Variants in AKT3 observed in about 807,000 individuals in gnomAD.
The protein encoded by AKT3 is RAC-gamma serine/threonine-protein kinase.
A neutral mutation model predicts 65.3 loss-of-function variants in AKT3; 15 were observed. The observed-to-expected ratio is 0.23, with a 90% CI of 0.15 to 0.35. The LOEUF (loss-of-function observed/expected upper bound fraction) is 0.35. Ranked by LOEUF, AKT3 falls within the 10% of genes least tolerant of loss-of-function variation. The pLI, the probability that AKT3 is intolerant of heterozygous loss-of-function variation, is 1.00. For synonymous variants in AKT3, 206 were observed against 183.8 expected, an observed-to-expected ratio of 1.12 and a Z score of -0.98; for missense variants, 243 against 576.5, an observed-to-expected ratio of 0.42 and a Z score of 5.92.
At chr1:243,529,332 C>A (rs1322902967) in intron 12 of AKT3, among the ~76,000 whole-genome samples, 1 of 152,028 alleles carries the variant, frequency 6.6e-6, no homozygotes, top group South Asian at 2.1e-4. Flanking sequence ...GTTGCAATGG[C>A]TTTTGGAGTC....
intron 12 of AKT3, among the ~76,000 whole-genome samples, chr1:243,540,795 C>G (rs1295814375): frequency 6.6e-6 from 1 of 152,144 alleles, no homozygotes; most frequent in East Asian, 1.9e-4. Context: ...CTTTGCCTAT[C>G]ATGAGGCTAA....
chr1:243,625,204 TCA>T (rs1445297708), intron 6 of AKT3: 1 of 145,820 alleles, frequency 6.9e-6, no homozygotes, highest in Non-Finnish European at 1.4e-5. Context: ...TGATCTCAGA[TCA>T]CTGCAACCTC....
intron 2 of AKT3, among the ~76,000 whole-genome samples, chr1:243,812,438 G>A (rs1307653549): frequency 6.6e-6 from 1 of 152,174 alleles, no homozygotes; most frequent in Non-Finnish European, 1.5e-5. Context: ...ATCATCACTG[G>A]CCATCAGAGA....
At chr1:243,580,734 C>T (rs1408953072) in intron 8 of AKT3, among the ~76,000 whole-genome samples, 1 of 152,194 alleles carries the variant, frequency 6.6e-6, no homozygotes, top group Non-Finnish European at 1.5e-5. Context: ...TGTGCCATTG[C>T]CGGGTAACCC....
intron 3 of AKT3, among the ~76,000 whole-genome samples, chr1:243,688,884 C>G (rs1356122079): frequency 6.6e-6 from 1 of 151,938 alleles, no homozygotes; most frequent in Non-Finnish European, 1.5e-5. Flanking sequence ...CTATACCATT[C>G]ACAAAACAAG....
At chr1:243,601,740 C>T (rs1245254083) in intron 8 of AKT3, among the ~76,000 whole-genome samples, 2 of 152,076 alleles carry the variant, frequency 1.3e-5, no homozygotes, top group African/African-American at 4.8e-5. Context: ...AAGAAACAAA[C>T]TACTGATATA....
intron 13 of AKT3, among the ~76,000 whole-genome samples, chr1:243,510,609 A>T (rs1669954348): frequency 6.6e-6 from 1 of 152,188 alleles, no homozygotes; most frequent in Admixed American, 6.5e-5. Flanking sequence ...GGACACCATA[A>T]ATACTGTCCC....
At chr1:243,849,808 G>C (rs1256782119) in intron 1 of AKT3, among the ~76,000 whole-genome samples, 2 of 151,600 alleles carry the variant, frequency 1.3e-5, no homozygotes, top group Non-Finnish European at 2.9e-5. Context: ...GGGGGGTGTC[G>C]GTGTCAACCG....
At chr1:243,827,580 A>C (rs1380255447) in intron 2 of AKT3, among the ~76,000 whole-genome samples, 1 of 152,172 alleles carries the variant, frequency 6.6e-6, no homozygotes, top group Non-Finnish European at 1.5e-5. Flanking sequence ...TAAGATAAGG[A>C]AATTAGTATT....
chr1:243,744,567 G>A (rs1424263827), intron 2 of AKT3, among the ~76,000 whole-genome samples: 3 of 151,582 alleles, frequency 2.0e-5, no homozygotes, highest in South Asian at 4.2e-4. Flanking sequence ...GTGAAACCCC[G>A]TCTCTACTAA....
At chr1:243,493,026 G>C (rs1289543581) in intron 13 of AKT3, among the ~76,000 whole-genome samples, 3 of 152,130 alleles carry the variant, frequency 2.0e-5, no homozygotes, top group Non-Finnish European at 2.9e-5. Flanking sequence ...GCTCTTACTT[G>C]TCCTTGTGGA....
intron 3 of AKT3, among the ~76,000 whole-genome samples, chr1:243,688,648 T>C (rs1260499377): frequency 1.3e-5 from 2 of 152,176 alleles, no homozygotes; most frequent in African/African-American, 4.8e-5. Flanking sequence ...CTAAACTGTA[T>C]CTTGCTGACT....
intron 3 of AKT3, among the ~76,000 whole-genome samples, chr1:243,667,286 A>T (rs1682855975): frequency 6.6e-6 from 1 of 152,144 alleles, no homozygotes; most frequent in African/African-American, 2.4e-5. Flanking sequence ...TGACTATGTA[A>T]GTTAAAGACA....
chr1:243,617,870 T>G (rs539294818), intron 6 of AKT3, among the ~76,000 whole-genome samples: 1 of 152,102 alleles, frequency 6.6e-6, no homozygotes, highest in Non-Finnish European at 1.5e-5. Flanking sequence ...AGTGCTAATA[T>G]AAAAGTTACA....
chr1:243,803,644 GTACACACACA>G lies in AKT3; in HGVS notation c.46+39471_46+39480del, dbSNP rs1478858244. Reference sequence around the variant, plus strand: ...TTTGTTACAGAACAAAGACGTACATGTACACACACACACACACACACACACACACACACAC... The same window carrying G: ...TTTGTTACAGAACAAAGACGTACATGCACACACACACACACACACACACAC... On this transcript the variant is annotated intron_variant, in intron 2 of 13. Transcript: ENST00000673466. 3.8e-3 allele frequency among the ~76,000 whole-genome samples: 336 copies of G among 87,920 alleles called. 1 individual carries two copies. Among genetic ancestry groups the G allele is most frequent in the African/African-American group, 0.014 (328 of 22,756 alleles). The allele number at this position is 87,920 out of a possible 152,430, so 57.7% of individuals were successfully genotyped here. A position where few individuals can be genotyped will look rare whatever the true frequency, so the allele number is the denominator to read the frequency against.
intron 2 of AKT3, among the ~76,000 whole-genome samples, chr1:243,821,524 G>A (rs960273881): frequency 1.3e-5 from 2 of 152,158 alleles, no homozygotes; most frequent in Non-Finnish European, 1.5e-5. Context: ...TCAGTGTGCT[G>A]TATTCAAGAG....
intron 13 of AKT3, among the ~76,000 whole-genome samples, chr1:243,508,585 T>C (rs556618353): frequency 2.3e-4 from 35 of 151,906 alleles, no homozygotes; most frequent in Non-Finnish European, 3.2e-4. Flanking sequence ...TGGGCTCTCG[T>C]TTCCGTACTG....
chr1:243,490,554 C>T (rs1037651465), intron 13 of AKT3, among the ~76,000 whole-genome samples: 5 of 152,256 alleles, frequency 3.3e-5, no homozygotes, highest in East Asian at 1.9e-4. Context: ...GCCCCCGCTT[C>T]GGACAAGTAA....
At chr1:243,790,817 G>A (rs761542910) in intron 2 of AKT3, among the ~76,000 whole-genome samples, 1 of 152,086 alleles carries the variant, frequency 6.6e-6, no homozygotes, top group Non-Finnish European at 1.5e-5. Flanking sequence ...TTGTGTCTCA[G>A]GAGTGAGAGA....
Sources: gnomAD v4.1 joint callset for allele counts (sites outside exome capture counted in the v4.1 genomes callset) on GRCh38, gnomAD v4.1.1 for gene constraint, MANE v1.5 for transcripts, NCBI Gene and HGNC (gene_info 2026-07-23, HGNC 2026-07-21) for gene names.